The following UNC5C variants were observed in gnomAD, a reference collection of about 807,000 sequenced individuals.
UNC5C encodes the protein unc-5 netrin receptor C.
A neutral mutation model predicts 99.8 loss-of-function variants in UNC5C; 47 were observed. That is an observed-to-expected ratio of 0.47 (90% CI 0.37 to 0.60). UNC5C has a LOEUF of 0.60. Ranked by LOEUF, UNC5C falls within the 20% of genes least tolerant of loss-of-function variation. UNC5C has a pLI of 0.00. For synonymous variants in UNC5C, 487 were observed against 452.2 expected, an observed-to-expected ratio of 1.08 and a Z score of -0.98; for missense variants, 1,062 against 1,165.9, an observed-to-expected ratio of 0.91 and a Z score of 1.30.
At chr4:95,172,495 G>A (rs538376066) in intron 14 of UNC5C, among the ~76,000 whole-genome samples, 3 of 152,216 alleles carry the variant, frequency 2.0e-5, no homozygotes, top group Admixed American at 6.5e-5. Flanking sequence ...ATTAAATAGG[G>A]AATCATTTCC....
Position 95,354,479 on chromosome 4 carries a change from A to ATATATTT in UNC5C, c.125-18849_125-18848insAAATATA. ...TTACCTAACTCTTCCATATATATATATTTTTTTTTTTTTTTTAAGAGACAG... is the reference window on the plus strand; with the variant it reads ...TTACCTAACTCTTCCATATATATATATATATTTTTTTTTTTTTTTTTTTAAGAGACAG... On this transcript the variant is annotated intron_variant, in intron 1 of 15. Coordinates refer to ENST00000453304, the MANE Select transcript of UNC5C (RefSeq NM_003728.4). Among the ~76,000 whole-genome samples, 10 of 110,334 alleles carry ATATATTT rather than the reference A, an allele frequency of 9.1e-5. No homozygotes were observed. The South Asian group carries it at 1.8e-3, about 19-fold the overall frequency. 72.4% of individuals were successfully genotyped at this position (110,334 alleles called of 152,430 possible).
At chr4:95,513,753 G>A (rs1276909728) in intron 1 of UNC5C, among the ~76,000 whole-genome samples, 3 of 152,100 alleles carry the variant, frequency 2.0e-5, no homozygotes, top group African/African-American at 7.2e-5. Context: ...TGAATATTCT[G>A]GGAGTTTGAA....
chr4:95,517,057 C>T (rs938282194), intron 1 of UNC5C, among the ~76,000 whole-genome samples: 2 of 152,068 alleles, frequency 1.3e-5, no homozygotes, highest in African/African-American at 4.8e-5. Flanking sequence ...GGGATAACAT[C>T]AATTTTGTTT....
At chr4:95,525,317 G>C (rs1029181854) in intron 1 of UNC5C, among the ~76,000 whole-genome samples, 1 of 151,946 alleles carries the variant, frequency 6.6e-6, no homozygotes, top group African/African-American at 2.4e-5. Context: ...AATTCTCTTT[G>C]AGCAAAATTC....
At chr4:95,422,418 A>G (rs1746347545) in intron 1 of UNC5C, among the ~76,000 whole-genome samples, 1 of 151,852 alleles carries the variant, frequency 6.6e-6, no homozygotes, top group South Asian at 2.1e-4. Context: ...TTAAGAAAAC[A>G]TTTTCTAAAA....
chr4:95,386,649 C>T (rs1363385689), intron 1 of UNC5C, among the ~76,000 whole-genome samples: 1 of 152,134 alleles, frequency 6.6e-6, no homozygotes, highest in Admixed American at 6.6e-5. Flanking sequence ...ATCTCTCTTT[C>T]TCTCTGATGG....
chr4:95,361,761 C>G (rs561034882), intron 1 of UNC5C, among the ~76,000 whole-genome samples: 1 of 152,068 alleles, frequency 6.6e-6, no homozygotes, highest in African/African-American at 2.4e-5. Flanking sequence ...AAGCTTCTAC[C>G]TACTTGTATG....
intron 2 of UNC5C, among the ~76,000 whole-genome samples, chr4:95,317,700 T>C (rs529457646): frequency 7.6e-4 from 116 of 152,266 alleles, no homozygotes; most frequent in African/African-American, 2.8e-3. Context: ...GGCAGCAGAC[T>C]GGGGGAGGCC....
intron 12 of UNC5C, among the ~76,000 whole-genome samples, chr4:95,192,924 T>C (rs1250036703): frequency 2.0e-5 from 3 of 152,232 alleles, no homozygotes; most frequent in Non-Finnish European, 4.4e-5. Context: ...TCTCTTGTTC[T>C]CTCTCCAACT....
At chr4:95,223,094 AATAATGCAATATGG>A (rs1432548615) in intron 7 of UNC5C, among the ~76,000 whole-genome samples, 1 of 152,202 alleles carries the variant, frequency 6.6e-6, no homozygotes, top group African/African-American at 2.4e-5. Flanking sequence ...AACTAACAAT[AATAATGCAATATGG>A]ATAATGATAA....
At chr4:95,371,537 T>G (rs757577325) in intron 1 of UNC5C, among the ~76,000 whole-genome samples, 11 of 152,116 alleles carry the variant, frequency 7.2e-5, no homozygotes, top group Non-Finnish European at 1.3e-4. Flanking sequence ...CTACATACAT[T>G]GCCTGAGTTC....
intron 4 of UNC5C, among the ~76,000 whole-genome samples, chr4:95,269,886 A>T (rs1261585195): frequency 4.6e-5 from 7 of 151,172 alleles, no homozygotes; most frequent in Admixed American, 4.6e-4. Flanking sequence ...CTAATTTTGT[A>T]TTTTTTTTAG....
intron 14 of UNC5C, among the ~76,000 whole-genome samples, chr4:95,177,805 G>A (rs190021014): frequency 3.3e-5 from 5 of 151,918 alleles, no homozygotes; most frequent in Admixed American, 6.6e-5. Flanking sequence ...GGGCTCAAGC[G>A]ATCCTCCCAC....
rs945211841 is a variant in UNC5C at position 95,176,776 on chromosome 4, C to T, written c.2451+6121G>A. On this transcript the variant is annotated intron_variant, in intron 14 of 15. Transcript: ENST00000453304. ...GAGCTGTGGTGGGCTCCACCCAGTT[C>T]GAGCTTCCTGGCTGCTTTGTTTACC... Among the ~76,000 whole-genome samples, 7 of 152,246 alleles carry T rather than the reference C, an allele frequency of 4.6e-5. No homozygotes were observed. The South Asian group carries it at 8.3e-4, about 18-fold the overall frequency.
At chr4:95,424,160 T>C (rs931482584) in intron 1 of UNC5C, among the ~76,000 whole-genome samples, 4 of 152,308 alleles carry the variant, frequency 2.6e-5, no homozygotes, top group African/African-American at 9.6e-5. Flanking sequence ...TCATATTGAA[T>C]GTTGAAGACC....
At chr4:95,482,437 G>A (rs71601278) in intron 1 of UNC5C, among the ~76,000 whole-genome samples, 49,755 of 146,556 alleles carry the variant, frequency 0.34, 8,660 homozygotes, top group Non-Finnish European at 0.43. Flanking sequence ...CAACCATTGT[G>A]GAAGTCAGTG....
intron 1 of UNC5C, among the ~76,000 whole-genome samples, chr4:95,343,348 T>A (rs1166134716): frequency 6.6e-6 from 1 of 152,044 alleles, no homozygotes; most frequent in Non-Finnish European, 1.5e-5. Flanking sequence ...TGGGAGAAAG[T>A]AAGGGAAGAG....
intron 13 of UNC5C, among the ~76,000 whole-genome samples, chr4:95,184,273 G>A (rs1228213084): frequency 6.6e-6 from 1 of 152,182 alleles, no homozygotes; most frequent in Non-Finnish European, 1.5e-5. Context: ...TGAGAATGGA[G>A]CCAGAATGTC....
chr4:95,522,907 A>T (rs61432083), intron 1 of UNC5C, among the ~76,000 whole-genome samples: 40,367 of 151,958 alleles, frequency 0.27, 6,532 homozygotes, highest in Non-Finnish European at 0.35. Context: ...CAGGGACCAG[A>T]GCAAAGCACA....
Sources: allele counts gnomAD v4.1 joint callset (sites outside exome capture counted in the v4.1 genomes callset), GRCh38; gene constraint gnomAD v4.1.1; transcripts MANE v1.5; gene names NCBI Gene and HGNC (gene_info 2026-07-23, HGNC 2026-07-21).